The following CDH12 variants were observed in gnomAD, a reference collection of about 807,000 sequenced individuals.
CDH12 encodes the protein cadherin-12.
A neutral mutation model predicts 74.1 loss-of-function variants in CDH12; 41 were observed. That is an observed-to-expected ratio of 0.55 (90% CI 0.43 to 0.72). The LOEUF is 0.72. Ranked by LOEUF, CDH12 falls within the 30% of genes least tolerant of loss-of-function variation. The pLI is 0.00. For synonymous variants in CDH12, 399 were observed against 355.0 expected (o/e 1.12, Z -1.39); for missense variants, 945 against 977.2 (o/e 0.97, Z 0.44).
chr5:21,786,236 C>A (rs776055092), intron 10 of CDH12, among the ~76,000 whole-genome samples: 10 of 152,188 alleles, frequency 6.6e-5, no homozygotes, highest in Non-Finnish European at 1.5e-4. Flanking sequence ...TCACCGCAAC[C>A]TCTGCCTCCC....
At chr5:22,749,303 T>C (rs1028883381) in intron 1 of CDH12, among the ~76,000 whole-genome samples, 3 of 152,236 alleles carry the variant, frequency 2.0e-5, no homozygotes, top group African/African-American at 7.2e-5. Flanking sequence ...AAGGGACATA[T>C]GGTCCCAAGG....
At chr5:22,179,019 T>G (rs1749490788) in intron 4 of CDH12, among the ~76,000 whole-genome samples, 1 of 152,246 alleles carries the variant, frequency 6.6e-6, no homozygotes, top group Non-Finnish European at 1.5e-5. Context: ...AAAATGCAGT[T>G]TTATCATCTG....
rs539128153 is a variant in CDH12, at chr5:22,086,965, C to G, written c.-186-8103G>C. On this transcript the variant is annotated intron_variant, in intron 4 of 14. Transcript: ENST00000382254. The stretch of plus-strand genomic sequence containing the variant: ...CAAAAATCCATAACCCCATTCTAAT[C>G]ATAAGACAAGTCTCAATTGAGAGAT... Among the ~76,000 whole-genome samples the G allele has an allele frequency of 3.3e-5, 5 of 152,254 alleles. No homozygotes were observed. In the East Asian group the frequency reaches 9.7e-4, roughly 29 times the overall value.
At chr5:21,917,611 G>A (rs891622222) in intron 6 of CDH12, among the ~76,000 whole-genome samples, 1 of 152,134 alleles carries the variant, frequency 6.6e-6, no homozygotes, top group Admixed American at 6.5e-5. Context: ...TCTATGTGAT[G>A]AAACTAACAA....
intron 3 of CDH12, among the ~76,000 whole-genome samples, chr5:22,360,504 G>A (rs1347154322): frequency 1.3e-5 from 2 of 152,098 alleles, no homozygotes; most frequent in African/African-American, 2.4e-5. Context: ...AGGGGTACAA[G>A]GAGGAGCTGG....
chr5:22,137,153 T>C (rs1464301807), intron 4 of CDH12, among the ~76,000 whole-genome samples: 1 of 151,960 alleles, frequency 6.6e-6, no homozygotes, highest in Non-Finnish European at 1.5e-5. Context: ...AAACTTGCCT[T>C]ACAAATTTTC....
chr5:21,899,795 A>T (rs1030260110), intron 6 of CDH12, among the ~76,000 whole-genome samples: 1 of 148,014 alleles, frequency 6.8e-6, no homozygotes, highest in African/African-American at 2.4e-5. Context: ...TTTGAATATT[A>T]ACTATAATAT....
intron 1 of CDH12, among the ~76,000 whole-genome samples, chr5:22,716,623 AAC>A (rs1283059607): frequency 6.6e-6 from 1 of 151,588 alleles, no homozygotes. Context: ...AAAAAAAAAA[AAC>A]AAAAAATAAA....
chr5:22,248,071 T>C (rs1200226915), intron 3 of CDH12, among the ~76,000 whole-genome samples: 2 of 152,112 alleles, frequency 1.3e-5, no homozygotes, highest in African/African-American at 4.8e-5. Flanking sequence ...CCGAGGTTTG[T>C]GGATCACCTG....
At chr5:22,778,155 T>C (rs566331291) in intron 1 of CDH12, among the ~76,000 whole-genome samples, 1 of 152,122 alleles carries the variant, frequency 6.6e-6, no homozygotes, top group Non-Finnish European at 1.5e-5. Flanking sequence ...TAGAAAAAAA[T>C]TCACAGCTAT....
intron 2 of CDH12, among the ~76,000 whole-genome samples, chr5:22,491,610 C>CAAAAAAAAAAAAAAA (rs11446320): frequency 8.3e-6 from 1 of 120,860 alleles, no homozygotes; most frequent in African/African-American, 3.1e-5. Context: ...AGCTAATGAG[C>CAAAAAAAAAAAAAAA]AAAAAAAAAA....
intron 1 of CDH12, among the ~76,000 whole-genome samples, chr5:22,743,528 T>A (rs926747793): frequency 6.6e-5 from 10 of 151,910 alleles, no homozygotes; most frequent in African/African-American, 2.4e-4. Context: ...TCATCCAGAT[T>A]TTTAGCATTC....
At chr5:21,961,130 G>A (rs1156905681) in intron 6 of CDH12, among the ~76,000 whole-genome samples, 6 of 151,908 alleles carry the variant, frequency 3.9e-5, no homozygotes, top group Non-Finnish European at 7.4e-5. Context: ...ATTTTGAGCC[G>A]ATGATTAAAA....
At chr5:22,823,296 A>G (rs767253721) in intron 1 of CDH12, among the ~76,000 whole-genome samples, 4 of 152,014 alleles carry the variant, frequency 2.6e-5, no homozygotes, top group South Asian at 2.1e-4. Flanking sequence ...TGACGAGTTA[A>G]TGGGTGCAGC....
chr5:21,838,559 CAA>C (rs544365920), intron 8 of CDH12, among the ~76,000 whole-genome samples: 1 of 151,808 alleles, frequency 6.6e-6, no homozygotes, highest in Admixed American at 6.6e-5. Flanking sequence ...GATTCCATCT[CAA>C]AAAAACAAAA....
intron 1 of CDH12, among the ~76,000 whole-genome samples, chr5:22,797,869 G>A (rs1748309408): frequency 6.6e-6 from 1 of 152,072 alleles, no homozygotes; most frequent in African/African-American, 2.4e-5. Flanking sequence ...TGTATAAAAT[G>A]CCAATAACAA....
intron 1 of CDH12, among the ~76,000 whole-genome samples, chr5:22,750,354 T>C (rs1406850003): frequency 1.3e-5 from 2 of 152,148 alleles, no homozygotes; most frequent in African/African-American, 4.8e-5. Flanking sequence ...TTGCAGTCCA[T>C]AAACCTTGGG....
rs746022963 is a variant in CDH12 at position 21,802,161 on chromosome 5, T to C, written c.1256+6A>G. The C allele has an allele frequency of 1.3e-6, 2 of 1,589,126 alleles. No individual in the cohort carries two copies. Among genetic ancestry groups the C allele is most frequent in the African/African-American group, 2.7e-5 (2 of 74,016 alleles). ...AACATAGAAAAAAAATGTTTCTTTT[T>C]CTCACCTAACAGCACTGCTGCCTAC... On this transcript the variant is annotated splice_donor_region_variant and intron_variant, in intron 10 of 14. Coordinates refer to ENST00000382254, the MANE Select transcript of CDH12 (RefSeq NM_004061.5).
At chr5:22,845,696 A>G (rs148036060) in intron 1 of CDH12, among the ~76,000 whole-genome samples, 5 of 152,300 alleles carry the variant, frequency 3.3e-5, no homozygotes, top group Non-Finnish European at 5.9e-5. Context: ...CAAGATTTAC[A>G]TGAAACAAAG....
Sources: allele counts gnomAD v4.1 joint callset (sites outside exome capture counted in the v4.1 genomes callset), GRCh38; gene constraint gnomAD v4.1.1; transcripts MANE v1.5; gene names NCBI Gene and HGNC (gene_info 2026-07-23, HGNC 2026-07-21).